UBE3B: variants seen among roughly 807,000 people sequenced by gnomAD.
The protein encoded by UBE3B is ubiquitin protein ligase E3B, also known as ubiquitin-protein ligase E3B.
A neutral mutation model predicts 132.3 loss-of-function variants in UBE3B; 80 were observed. The observed-to-expected ratio is 0.60, with a 90% CI of 0.50 to 0.73. The LOEUF (loss-of-function observed/expected upper bound fraction) is 0.73, where lower values mean the gene tolerates loss of function less well. UBE3B is among the 30% of genes least tolerant of loss of function. The probability of loss-of-function intolerance (pLI) is 0.00; values close to 1 mark genes in which losing one functional copy is unlikely to be tolerated. For missense variants in UBE3B, 1,196 were observed against 1,362.5 expected, an observed-to-expected ratio of 0.88 and a Z score of 1.92; for synonymous variants, 487 against 520.4, an observed-to-expected ratio of 0.94 and a Z score of 0.87.
chr12:109,505,793 C>G (rs1879585442), intron 14 of UBE3B, among the ~76,000 whole-genome samples: 1 of 152,224 alleles, frequency 6.6e-6, no homozygotes, highest in South Asian at 2.1e-4. Flanking sequence ...TTCAGTAGCT[C>G]TGATGGAGTT....
intron 18 of UBE3B, among the ~76,000 whole-genome samples, chr12:109,516,167 C>CT (rs59084691): frequency 0.011 from 958 of 91,096 alleles, 16 homozygotes; most frequent in East Asian, 0.014. Context: ...TCTTTTTTTT[C>CT]TTTTTTTTTT....
intron 26 of UBE3B, 42 bp from the exon 27 acceptor site, chr12:109,533,424 A>G (rs571305686): frequency 6.4e-7 from 1 of 1,556,804 alleles, no homozygotes; most frequent in Admixed American, 1.7e-5. Flanking sequence ...CTGGAAGAGC[A>G]GGAGCCTGCC....
At chr12:109,533,373 A>C in intron 26 of UBE3B, 93 bp from the exon 27 acceptor site, 1 of 1,210,808 alleles carries the variant, frequency 8.3e-7, no homozygotes, top group Middle Eastern at 1.9e-4. Flanking sequence ...ACACGGTAAC[A>C]GACAGAGCAA....
chr12:109,534,182 G>C lies in UBE3B; in HGVS notation c.3016-409G>C. 8.1e-7 allele frequency: 1 copy of C among 1,236,408 alleles called. No individual in the cohort carries two copies. The highest frequency in any genetic ancestry group is 1.0e-6 in the Non-Finnish European group (1 of 968,424). The allele number at this position is 1,236,408 out of a possible 1,614,324, so 76.6% of individuals were successfully genotyped here. On this transcript the variant is annotated intron_variant, in intron 27 of 27. Coordinates refer to ENST00000342494, the MANE Select transcript of UBE3B (RefSeq NM_130466.4). This position sits in a 1 kb window ranked among gnomAD's most constrained non-coding sequence, Gnocchi z 5.2. The stretch of plus-strand genomic sequence containing the variant: ...AAGCTACACAGTCCTCGGCCTCCAT[G>C]CTTAAGGGAAAGTTGGCCCAAGTCA...
Position 109,499,737 on chromosome 12 carries a change from G to A in UBE3B, c.1045G>A (p.Val349Met). 2.5e-6 allele frequency: 4 copies of A among 1,613,120 alleles called. No homozygotes were observed. Among genetic ancestry groups the A allele is most frequent in the Middle Eastern group, 3.3e-4 (2 of 6,060 alleles). Residue 349 changes from valine to methionine, a missense_variant, in exon 12 of 28, where the codon GTG (valine) becomes ATG (methionine). Val to Met is a conservative substitution (Grantham distance 21). Coordinates refer to ENST00000342494, the MANE Select transcript of UBE3B (RefSeq NM_130466.4). ...TQTLCYCRKY[V>M]SQKKSNLTHW... is the part of the protein sequence containing the mutation. Reference sequence around the variant, plus strand: ...GACGCTGTGCTACTGTCGGAAGTATGTGTCTCAGAAGAAGTCCAACCTGAC... The same window carrying A: ...GACGCTGTGCTACTGTCGGAAGTATATGTCTCAGAAGAAGTCCAACCTGAC...
At chr12:109,508,862 C>G (rs552167677) in intron 15 of UBE3B, 31 of 531,996 alleles carry the variant, frequency 5.8e-5, no homozygotes, top group Admixed American at 1.3e-4. Flanking sequence ...TAAGTACCTG[C>G]TAAGTGTCAC....
rs752922530 is a variant in UBE3B, at chr12:109,527,528, G to A, written c.2627+1112G>A. Among the ~76,000 whole-genome samples, 13 of 152,300 alleles carry A rather than the reference G, an allele frequency of 8.5e-5. No homozygotes were observed. In the South Asian group the frequency reaches 1.4e-3, roughly 17 times the overall value. On this transcript the variant is annotated intron_variant, in intron 24 of 27. Transcript: ENST00000342494. ...TGTTCCCAAGCATCATGTTCCTCTC[G>A]GATCAGGTGGTTCAGTCAGTCTGCA...
chr12:109,490,774 C>T, intron 8 of UBE3B: 4 of 1,368,718 alleles, frequency 2.9e-6, no homozygotes, highest in Non-Finnish European at 3.8e-6. Flanking sequence ...ACTTTCTTCC[C>T]TTTCCTTTTA....
intron 2 of UBE3B, 122 bp from the exon 3 acceptor site, chr12:109,483,409 G>T: frequency 1.0e-6 from 1 of 1,003,420 alleles, no homozygotes; most frequent in Non-Finnish European, 1.4e-6. Context: ...TTTGGAGGGT[G>T]TTGACAGGTC....
chr12:109,520,280 A>G (rs961924815), intron 19 of UBE3B: 2 of 152,060 alleles, frequency 1.3e-5, no homozygotes, highest in African/African-American at 4.8e-5. Flanking sequence ...AAACCTCAGC[A>G]CCCCAAGTAC....
At position 109,534,656 on chromosome 12, in the gene UBE3B, C is replaced by T. The variant is rs1180710308; in HGVS notation, c.3081C>T (p.Gly1027=). Residue 1027 remains glycine, a synonymous_variant, in exon 28 of 28, where the codon GGC becomes GGT. Coordinates refer to ENST00000342494, the MANE Select transcript of UBE3B (RefSeq NM_130466.4). This position sits in a 1 kb window ranked among gnomAD's most constrained non-coding sequence, Gnocchi z 5.2. ...GFFTIRKREP[G]GRLPTSSTCF... ...TCACCATCCGCAAGCGGGAGCCAGG[C>T]GGCCGCCTGCCCACCTCCTCCACCT... The T allele has an allele frequency of 8.1e-6, 13 of 1,611,500 alleles. No individual in the cohort carries two copies. Among genetic ancestry groups the T allele is most frequent in the Middle Eastern group, 3.3e-4 (2 of 6,074 alleles).
In UBE3B at chr12:109,524,006, CCTT is replaced by C; in HGVS notation, c.2398_2400del (p.Phe800del). Reference sequence around the variant, plus strand: ...ATTGTGGTGGACGTGCCATTTGCATCCTTCTTCCTGAGCCAACTGCTTGGGCAC... The same window carrying C: ...ATTGTGGTGGACGTGCCATTTGCATCCTTCCTGAGCCAACTGCTTGGGCAC... On this transcript the variant is annotated inframe_deletion, in exon 22 of 28. Transcript: ENST00000342494. 1.2e-6 allele frequency: 2 copies of C among 1,614,168 alleles called. No individual in the cohort carries two copies. Among genetic ancestry groups the C allele is most frequent in the Non-Finnish European group, 1.7e-6 (2 of 1,180,034 alleles).
chr12:109,508,442 C>A, intron 15 of UBE3B: 2 of 900,772 alleles, frequency 2.2e-6, no homozygotes, highest in Non-Finnish European at 2.7e-6. Context: ...GGGAAATTAA[C>A]AAACATTAGT....
rs753230950 is a variant in UBE3B, at chr12:109,534,579, G to A, written c.3016-12G>A. 2.5e-6 allele frequency: 4 copies of A among 1,597,362 alleles called. No homozygotes were observed. The highest frequency in any genetic ancestry group is 1.7e-5 in the Admixed American group (1 of 57,464). On this transcript the variant is annotated splice_polypyrimidine_tract_variant and intron_variant, in intron 27 of 27. Coordinates refer to ENST00000342494, the MANE Select transcript of UBE3B (RefSeq NM_130466.4). This position sits in a 1 kb window ranked among gnomAD's most constrained non-coding sequence, Gnocchi z 5.2. ...GCCCTTCCCAATTCAAGGCCACGAT[G>A]TGTGCCTTCAGGACACCGGGGACAC...
At chr12:109,513,201 C>T (rs547844541) in intron 18 of UBE3B, among the ~76,000 whole-genome samples, 1 of 152,230 alleles carries the variant, frequency 6.6e-6, no homozygotes, top group Admixed American at 6.5e-5. Flanking sequence ...TCCTCCTGGA[C>T]CCGCGTGTCT....
intron 13 of UBE3B, among the ~76,000 whole-genome samples, chr12:109,502,492 T>A (rs535575586): frequency 6.6e-6 from 1 of 152,300 alleles, no homozygotes; most frequent in South Asian, 2.1e-4. Context: ...TTCTACTGAG[T>A]GTGTTGCAAA....
the UBE3B span, among the ~76,000 whole-genome samples, chr12:109,544,195 A>G: frequency 1.9e-4 from 29 of 152,324 alleles, no homozygotes; most frequent in Middle Eastern, 6.8e-3. Context: ...CCAAACGTGG[A>G]CATCCGGAGG....
intron 11 of UBE3B, 62 bp downstream of exon 11, chr12:109,498,415 G>T: frequency 6.4e-7 from 1 of 1,567,038 alleles, no homozygotes; most frequent in Non-Finnish European, 8.7e-7. Context: ...CGAGTGTTTT[G>T]CCTGTCACTA....
chr12:109,501,388 A>C lies in UBE3B; in HGVS notation c.1136A>C (p.His379Pro). 1 of 1,614,152 alleles carries C rather than the reference A, an allele frequency of 6.2e-7. No individual in the cohort carries two copies. The highest frequency in any genetic ancestry group is 1.1e-5 in the South Asian group (1 of 91,080). ...SVDYGLNESM[H>P]LITKQLQFLW... is the part of the protein sequence containing the mutation. The stretch of plus-strand genomic sequence containing the variant: ...TCTCCTAGCCTTAACGAGTCAATGC[A>C]CTTGATCACCAAACAGCTGCAGTTC... Residue 379 changes from histidine to proline, a missense_variant, in exon 13 of 28, where the codon CAC becomes CCC. Transcript: ENST00000342494.
Sources: allele counts gnomAD v4.1 joint callset (sites outside exome capture counted in the v4.1 genomes callset), GRCh38; gene constraint gnomAD v4.1.1; non-coding constraint Gnocchi (gnomAD v3.1); transcripts MANE v1.5; gene names NCBI Gene and HGNC (gene_info 2026-07-23, HGNC 2026-07-21).